TRIM67: variants seen among roughly 807,000 people sequenced by gnomAD.
The protein encoded by TRIM67 is tripartite motif containing 67.
TRIM67 carries 39 observed loss-of-function variants against 71.0 expected under a neutral mutation model. The ratio of observed to expected loss-of-function variants is 0.55; its 90% CI spans 0.43 to 0.72. TRIM67 has a LOEUF of 0.72. TRIM67 is among the 30% of genes least tolerant of loss of function. TRIM67 has a pLI of 0.00. For missense variants in TRIM67, 973 were observed against 1,079.2 expected, an observed-to-expected ratio of 0.90 and a Z score of 1.38; for synonymous variants, 481 against 473.9, an observed-to-expected ratio of 1.01 and a Z score of -0.19.
rs551149987 is a variant in TRIM67 at position 231,217,569 on chromosome 1, G to A, written c.*2129G>A. 1.2e-5 allele frequency: 12 copies of A among 1,016,572 alleles called. No individual in the cohort carries two copies. In the South Asian group the frequency reaches 3.9e-4, roughly 33 times the overall value. 63.0% of individuals were successfully genotyped at this position (1,016,572 alleles called of 1,614,324 possible). A position where few individuals can be genotyped will look rare whatever the true frequency, so the allele number is the denominator to read the frequency against. On this transcript the variant is annotated 3_prime_UTR_variant, in exon 10 of 10. Coordinates refer to ENST00000366653, the MANE Select transcript of TRIM67 (RefSeq NM_001004342.5). Reference sequence around the variant, plus strand: ...GGGCCAAGGAAGCCATCAGCTTTGGGAAGTGTCTAGCTCTCTTCTGAAAAA... The same window carrying A: ...GGGCCAAGGAAGCCATCAGCTTTGGAAAGTGTCTAGCTCTCTTCTGAAAAA...
chr1:231,219,043 G>T lies in TRIM67; in HGVS notation c.*3603G>T, dbSNP rs1571910314. 2.0e-6 allele frequency: 2 copies of T among 985,514 alleles called. No homozygotes were observed. The highest frequency in any genetic ancestry group is 2.4e-6 in the Non-Finnish European group (2 of 830,008). The allele number at this position is 985,514 out of a possible 1,614,324, so 61.0% of individuals were successfully genotyped here. A position where few individuals can be genotyped will look rare whatever the true frequency, so the allele number is the denominator to read the frequency against. On this transcript the variant is annotated 3_prime_UTR_variant, in exon 10 of 10. Transcript: ENST00000366653. ...GGGTTTCGGCACCGGTGGGCAGGTG[G>T]TTCAGTGTCAAGGAGGCTGCTGCTG... is the stretch of plus-strand genomic sequence containing the variant.
rs1684006410 is a variant in TRIM67, at chr1:231,216,055, A to G, written c.*615A>G. ...GCTTGACTTTTGCCTCTCTCACTGA[A>G]GTGTTAGAACCTTTTAAAATGGCTT... On this transcript the variant is annotated 3_prime_UTR_variant, in exon 10 of 10. Coordinates refer to ENST00000366653, the MANE Select transcript of TRIM67 (RefSeq NM_001004342.5). 1 of 985,448 alleles carries G rather than the reference A, an allele frequency of 1.0e-6. No individual in the cohort carries two copies. Among genetic ancestry groups the G allele is most frequent in the Non-Finnish European group, 1.2e-6 (1 of 829,958 alleles). The allele number at this position is 985,448 out of a possible 1,614,324, so 61.0% of individuals were successfully genotyped here.
rs113722956 is a variant in TRIM67 at position 231,221,066 on chromosome 1, G to A, written c.*5626G>A. 0.027 allele frequency: 4,185 copies of A among 152,386 alleles called. 83 individuals carry two copies. Among genetic ancestry groups the A allele is most frequent in the South Asian group, 0.046 (222 of 4,824 alleles). The allele number at this position is 152,386 out of a possible 1,614,324, so 9.4% of individuals were successfully genotyped here. On this transcript the variant is annotated 3_prime_UTR_variant, in exon 10 of 10. Coordinates refer to ENST00000366653, the MANE Select transcript of TRIM67 (RefSeq NM_001004342.5). Reference sequence around the variant, plus strand: ...TCGGCACCCAGAAGAAGTGGGGAGCGGGCAAAGCAGAAAACATTCAATGCA... The same window carrying A: ...TCGGCACCCAGAAGAAGTGGGGAGCAGGCAAAGCAGAAAACATTCAATGCA...
intron 8 of TRIM67, 115 bp from the exon 9 acceptor site, chr1:231,213,700 C>T: frequency 1.5e-6 from 2 of 1,324,152 alleles, no homozygotes; most frequent in East Asian, 2.5e-5. Flanking sequence ...CACTGCACTC[C>T]AGCCTGGGTG....
At chr1:231,198,050 G>C (rs1345747948) in intron 2 of TRIM67, among the ~76,000 whole-genome samples, 1 of 152,224 alleles carries the variant, frequency 6.6e-6, no homozygotes, top group Non-Finnish European at 1.5e-5. Flanking sequence ...GCCAATTAGA[G>C]AGAGCTGGAA....
Position 231,187,657 on chromosome 1 carries a change from C to T in TRIM67, c.1045-9714C>T, listed in dbSNP as rs368895619. The T allele has an allele frequency of 8.1e-6, 10 of 1,239,660 alleles. No individual in the cohort carries two copies. In the African/African-American group the frequency reaches 1.2e-4, roughly 15 times the overall value. The allele number at this position is 1,239,660 out of a possible 1,614,324, so 76.8% of individuals were successfully genotyped here. A position where few individuals can be genotyped will look rare whatever the true frequency, so the allele number is the denominator to read the frequency against. ...AATACACGCCCCATCTCTACTGTCTCCCAAGTGGGGCATCAAACTGCAGGA... is the reference window on the plus strand; with the variant it reads ...AATACACGCCCCATCTCTACTGTCTTCCAAGTGGGGCATCAAACTGCAGGA... On this transcript the variant is annotated intron_variant, in intron 1 of 9. Transcript: ENST00000366653.
chr1:231,181,006 G>C (rs529696968), intron 1 of TRIM67, among the ~76,000 whole-genome samples: 3 of 152,012 alleles, frequency 2.0e-5, no homozygotes, highest in Non-Finnish European at 4.4e-5. Context: ...TCGCTCTGTC[G>C]CCAGGCTAGA....
chr1:231,182,822 C>A (rs1682943955), intron 1 of TRIM67, among the ~76,000 whole-genome samples: 1 of 152,220 alleles, frequency 6.6e-6, no homozygotes, highest in Non-Finnish European at 1.5e-5. Flanking sequence ...TTGGCCCTCA[C>A]TGACTGCCTT....
At chr1:231,205,773 T>C (rs146000367) in intron 6 of TRIM67, among the ~76,000 whole-genome samples, 22 of 150,016 alleles carry the variant, frequency 1.5e-4, no homozygotes, top group Admixed American at 4.6e-4. Context: ...TGAGGCCAGA[T>C]GCAGAAATGT....
At chr1:231,181,244 G>A (rs1160105905) in intron 1 of TRIM67, among the ~76,000 whole-genome samples, 5 of 152,206 alleles carry the variant, frequency 3.3e-5, no homozygotes, top group Non-Finnish European at 5.9e-5. Flanking sequence ...GATTACAGGC[G>A]TGAGCCACTG....
chr1:231,172,529 G>A (rs1221740787), intron 1 of TRIM67, among the ~76,000 whole-genome samples: 1 of 152,196 alleles, frequency 6.6e-6, no homozygotes, highest in African/African-American at 2.4e-5. Flanking sequence ...GATTCACAAG[G>A]ACAGGGCAAG....
At chr1:231,198,878 T>C (rs1255623083) in intron 2 of TRIM67, among the ~76,000 whole-genome samples, 169 bp from the exon 3 acceptor site, 5 of 152,334 alleles carry the variant, frequency 3.3e-5, no homozygotes, top group Admixed American at 2.0e-4. Flanking sequence ...ATGAGATTCA[T>C]AGTACCTGCC....
At chr1:231,175,534 G>A (rs1353711480) in intron 1 of TRIM67, among the ~76,000 whole-genome samples, 1 of 152,262 alleles carries the variant, frequency 6.6e-6, no homozygotes, top group Non-Finnish European at 1.5e-5. Flanking sequence ...GTTCCCATAA[G>A]GGGATGTGAA....
In TRIM67 at chr1:231,220,043, A is replaced by G. The variant is rs537632885; in HGVS notation, c.*4603A>G. On this transcript the variant is annotated 3_prime_UTR_variant, in exon 10 of 10. Coordinates refer to ENST00000366653, the MANE Select transcript of TRIM67 (RefSeq NM_001004342.5). ...ATCCCCACCTGAAATGAGACTAGTC[A>G]TACTAACCTACCTCCTCTGATGTAT... 3 of 975,666 alleles carry G rather than the reference A, an allele frequency of 3.1e-6. No homozygotes were observed. The highest frequency in any genetic ancestry group is 3.4e-5 in the African/African-American group (2 of 59,420). 60.4% of individuals were successfully genotyped at this position (975,666 alleles called of 1,614,324 possible). A position where few individuals can be genotyped will look rare whatever the true frequency, so the allele number is the denominator to read the frequency against.
intron 1 of TRIM67, 85 bp downstream of exon 1, chr1:231,164,098 C>G (rs1412302480): frequency 7.4e-7 from 1 of 1,342,928 alleles, no homozygotes; most frequent in African/African-American, 1.5e-5. Flanking sequence ...GGAGAGCTGA[C>G]AGAAAGTCGG....
At position 231,199,274 on chromosome 1, in the gene TRIM67, G is replaced by A; in HGVS notation, c.1263+105G>A. ...CTGGGGAAATAACAGCTAAGTGAGT[G>A]AATGAATGAGCTAATGAATGAATGA... On this transcript the variant is annotated intron_variant, in intron 3 of 9. Transcript: ENST00000366653. 5 of 1,095,480 alleles carry A rather than the reference G, an allele frequency of 4.6e-6. No individual in the cohort carries two copies. In the South Asian group the frequency reaches 6.6e-5, roughly 14 times the overall value. 67.9% of individuals were successfully genotyped at this position (1,095,480 alleles called of 1,614,324 possible). A position where few individuals can be genotyped will look rare whatever the true frequency, so the allele number is the denominator to read the frequency against.
At chr1:231,197,234 C>G (rs1023031455) in intron 1 of TRIM67, 137 bp from the exon 2 acceptor site, 1 of 644,888 alleles carries the variant, frequency 1.6e-6, no homozygotes, top group African/African-American at 1.8e-5. Flanking sequence ...CAGTGGTGGT[C>G]CCTTCATCAA....
intron 4 of TRIM67, 54 bp from the exon 5 acceptor site, chr1:231,201,304 T>A (rs1205320090): frequency 5.8e-6 from 9 of 1,560,456 alleles, no homozygotes; most frequent in Non-Finnish European, 7.8e-6. Flanking sequence ...CACCCCTGGC[T>A]GCACAATTTT....
Position 231,187,633 on chromosome 1 carries a change from A to G in TRIM67, c.1045-9738A>G, listed in dbSNP as rs911820129. 24 of 1,383,024 alleles carry G rather than the reference A, an allele frequency of 1.7e-5. No individual in the cohort carries two copies. In the South Asian group the frequency reaches 2.3e-4, roughly 13 times the overall value. The allele number at this position is 1,383,024 out of a possible 1,614,324, so 85.7% of individuals were successfully genotyped here. A position where few individuals can be genotyped will look rare whatever the true frequency, so the allele number is the denominator to read the frequency against. On this transcript the variant is annotated intron_variant, in intron 1 of 9. Coordinates refer to ENST00000366653, the MANE Select transcript of TRIM67 (RefSeq NM_001004342.5). ...CAGTGAAGCTTCGATTCCTGTTTTAATACACGCCCCATCTCTACTGTCTCC... is the reference window on the plus strand; with the variant it reads ...CAGTGAAGCTTCGATTCCTGTTTTAGTACACGCCCCATCTCTACTGTCTCC...
Sources: gnomAD v4.1 joint callset for allele counts (sites outside exome capture counted in the v4.1 genomes callset) on GRCh38, gnomAD v4.1.1 for gene constraint, MANE v1.5 for transcripts, NCBI Gene and HGNC (gene_info 2026-07-23, HGNC 2026-07-21) for gene names.